Variants in SRSF4 observed in about 807,000 individuals in gnomAD.
The protein encoded by SRSF4 is serine/arginine-rich splicing factor 4.
A neutral mutation model predicts 48.8 loss-of-function variants in SRSF4; 12 were observed. That is an observed-to-expected ratio of 0.25 (90% CI 0.16 to 0.40). SRSF4 has a LOEUF of 0.40. Among genes scored for constraint, SRSF4 ranks in the 10% least tolerant of loss-of-function variants. The probability of loss-of-function intolerance (pLI) is 1.00; values close to 1 mark genes in which losing one functional copy is unlikely to be tolerated. For synonymous variants in SRSF4, 248 were observed against 232.5 expected, an observed-to-expected ratio of 1.07 and a Z score of -0.61; for missense variants, 466 against 667.1, an observed-to-expected ratio of 0.70 and a Z score of 3.32.
At chr1:29,174,827 T>C (rs1160141439) in intron 1 of SRSF4, among the ~76,000 whole-genome samples, 1 of 151,558 alleles carries the variant, frequency 6.6e-6, no homozygotes. Context: ...GCGTGCGCCA[T>C]CATGCCCAGC....
chr1:29,181,831 G>GCGGCGGCGGCGGCAA lies in SRSF4; in HGVS notation c.-94_-80dup, dbSNP rs1487166005. 915 of 1,177,206 alleles carry GCGGCGGCGGCGGCAA rather than the reference G, an allele frequency of 7.8e-4. 2 individuals are homozygous for GCGGCGGCGGCGGCAA. Among genetic ancestry groups the GCGGCGGCGGCGGCAA allele is most frequent in the Middle Eastern group, 1.2e-3 (5 of 4,142 alleles). The allele number at this position is 1,177,206 out of a possible 1,614,324, so 72.9% of individuals were successfully genotyped here. ...CGGGCAAAGCGAGAGCACGGCGGCA[G>GCGGCGGCGGCGGCAA]CGGCGGCGGCGGCAACGGGCGGGCG... On this transcript the variant is annotated 5_prime_UTR_variant, in exon 1 of 6. Transcript: ENST00000373795.
intron 1 of SRSF4, among the ~76,000 whole-genome samples, chr1:29,176,108 C>T (rs1202195373): frequency 2.0e-5 from 3 of 151,928 alleles, no homozygotes; most frequent in East Asian, 3.9e-4. Context: ...AAAAATTAGC[C>T]GGGCGTGGTG....
intron 1 of SRSF4, among the ~76,000 whole-genome samples, chr1:29,178,185 CCACCGTGACCGGTCTAGA>C (rs944989389): frequency 3.9e-5 from 6 of 152,170 alleles, no homozygotes; most frequent in Middle Eastern, 3.4e-3. Context: ...CAGGTGTGAG[CCACCGTGACCGGTCTAGA>C]CAAGCATTTT....
chr1:29,159,441 G>A lies in SRSF4; in HGVS notation c.296C>T (p.Pro99Leu). ...AATAAGTCTGTACTCTGTGCGAGTAGGAGGGCCATATTTATCTCGGCCACT... is the reference window on the plus strand; with the variant it reads ...AATAAGTCTGTACTCTGTGCGAGTAAGAGGGCCATATTTATCTCGGCCACT... ...RRSGRDKYGP[P>L]TRTEYRLIVE... The change falls in exon 3 of 6, where the codon CCT (proline) becomes CTT (leucine). Residue 99 changes from proline (P) to leucine (L), a missense_variant. By Grantham distance (98) the Pro-to-Leu change is moderately conservative. Transcript: ENST00000373795. The A allele has an allele frequency of 6.2e-7, 1 of 1,613,992 alleles. No individual in the cohort carries two copies. Among genetic ancestry groups the A allele is most frequent in the Non-Finnish European group, 8.5e-7 (1 of 1,179,966 alleles).
chr1:29,164,735 T>C (rs1574196764), intron 1 of SRSF4, among the ~76,000 whole-genome samples: 1 of 151,146 alleles, frequency 6.6e-6, no homozygotes, highest in Non-Finnish European at 1.5e-5. Context: ...CAGCAGGGAT[T>C]GACAGAAACA....
chr1:29,171,125 T>A (rs1407557069), intron 1 of SRSF4: 1 of 152,078 alleles, frequency 6.6e-6, no homozygotes, highest in Non-Finnish European at 1.5e-5. Flanking sequence ...TACAAATCCT[T>A]CCTCAGCCAA....
chr1:29,160,569 C>A, intron 1 of SRSF4, 52 bp from the exon 2 acceptor site: 1 of 1,544,206 alleles, frequency 6.5e-7, no homozygotes, highest in Non-Finnish European at 8.7e-7. Flanking sequence ...CATCCAGCTT[C>A]ACTAACATTA....
intron 2 of SRSF4, 95 bp downstream of exon 2, chr1:29,160,280 C>A: frequency 7.5e-7 from 1 of 1,334,436 alleles, no homozygotes; most frequent in Non-Finnish European, 1.0e-6. Context: ...GCTTAAACAT[C>A]AATACGTTTA....
At position 29,149,070 on chromosome 1, in the gene SRSF4, C is replaced by A. The variant is rs182722124; in HGVS notation, c.825G>T (p.Glu275Asp). The A allele has an allele frequency of 1.2e-6, 2 of 1,613,006 alleles. No homozygotes were observed. The highest frequency in any genetic ancestry group is 2.7e-5 in the African/African-American group (2 of 74,622). Reference sequence around the variant, plus strand: ...CGACATTGTCATTGTTTTGGATCTTCTCTTCAGCTTGGTCTTTGCTCTTGC... The same window carrying A: ...CGACATTGTCATTGTTTTGGATCTTATCTTCAGCTTGGTCTTTGCTCTTGC... ...SRSKSKDQAE[E>D]KIQNNDNVGK... The change falls in exon 6 of 6, where the codon GAG (glutamate) becomes GAT (aspartate). Residue 275 changes from glutamate (E) to aspartate (D), a missense_variant. Around this residue, in one of 2 missense-constraint regions of SRSF4, gnomAD observed 402 missense variants for 437.0 expected, o/e 0.92. Coordinates refer to ENST00000373795, the MANE Select transcript of SRSF4 (RefSeq NM_005626.5).
intron 2 of SRSF4, chr1:29,160,074 T>C (rs1415141760): frequency 1.9e-5 from 5 of 258,648 alleles, no homozygotes; most frequent in Non-Finnish European, 3.6e-5. Context: ...AATTAAAACA[T>C]TGAGGTCTTT....
At chr1:29,176,586 A>G (rs1672857300) in intron 1 of SRSF4, among the ~76,000 whole-genome samples, 1 of 152,176 alleles carries the variant, frequency 6.6e-6, no homozygotes, top group Non-Finnish European at 1.5e-5. Context: ...TAATCTGTCA[A>G]GAATTCAGGA....
chr1:29,170,523 A>C (rs1485804203), intron 1 of SRSF4: 1 of 152,162 alleles, frequency 6.6e-6, no homozygotes, highest in East Asian at 1.9e-4. Context: ...TGTCCCTCAT[A>C]ATCGCCCCTG....
intron 1 of SRSF4, among the ~76,000 whole-genome samples, chr1:29,179,145 A>G (rs559351622): frequency 6.6e-6 from 1 of 152,236 alleles, no homozygotes; most frequent in Non-Finnish European, 1.5e-5. Context: ...GAGCCTTTGA[A>G]TTCCTACTCA....
intron 1 of SRSF4, among the ~76,000 whole-genome samples, chr1:29,165,634 G>A (rs1277921651): frequency 6.6e-6 from 1 of 152,178 alleles, no homozygotes; most frequent in Non-Finnish European, 1.5e-5. Flanking sequence ...ACTGAACAGG[G>A]AGACTAAGTC....
At chr1:29,165,046 A>C (rs567376525) in intron 1 of SRSF4, among the ~76,000 whole-genome samples, 17 of 152,268 alleles carry the variant, frequency 1.1e-4, no homozygotes, top group Admixed American at 5.9e-4. Context: ...ATCCCAAAAA[A>C]AACCCTGAAA....
chr1:29,148,161 T>A lies in SRSF4; in HGVS notation c.*249A>T. On this transcript the variant is annotated 3_prime_UTR_variant, in exon 6 of 6. Transcript: ENST00000373795. ...GGCCAGGCCTGAAAGCCAAGGCGTTTTGGATATTCTACTGTGGGCCATGAG... is the reference window on the plus strand; with the variant it reads ...GGCCAGGCCTGAAAGCCAAGGCGTTATGGATATTCTACTGTGGGCCATGAG... The A allele has an allele frequency of 1.6e-6, 1 of 642,242 alleles. No individual in the cohort carries two copies. 39.8% of individuals were successfully genotyped at this position (642,242 alleles called of 1,614,324 possible).
rs571080 is a variant in SRSF4, at chr1:29,181,815, C to G, written c.-63G>C. On this transcript the variant is annotated 5_prime_UTR_variant, in exon 1 of 6. Coordinates refer to ENST00000373795, the MANE Select transcript of SRSF4 (RefSeq NM_005626.5). The stretch of plus-strand genomic sequence containing the variant: ...CCCCCTTAGGCGGCGGCGGGCAAAG[C>G]GAGAGCACGGCGGCAGCGGCGGCGG... 104,390 of 1,402,130 alleles carry G rather than the reference C, an allele frequency of 0.074. 4,613 individuals are homozygous for G. The highest frequency in any genetic ancestry group is 0.2 in the African/African-American group (13,381 of 67,640). 86.9% of individuals were successfully genotyped at this position (1,402,130 alleles called of 1,614,324 possible).
intron 1 of SRSF4, among the ~76,000 whole-genome samples, chr1:29,165,208 A>G (rs1375506543): frequency 6.6e-6 from 1 of 152,226 alleles, no homozygotes; most frequent in East Asian, 1.9e-4. Flanking sequence ...GAGTCTTACC[A>G]AGTATAGACA....
chr1:29,181,421 C>CA (rs1672954395), intron 1 of SRSF4, among the ~76,000 whole-genome samples: 1 of 152,186 alleles, frequency 6.6e-6, no homozygotes, highest in Non-Finnish European at 1.5e-5. Context: ...CCGTCCCACT[C>CA]AGGGCCTCAG....
Sources: allele counts gnomAD v4.1 joint callset (sites outside exome capture counted in the v4.1 genomes callset), GRCh38; gene constraint gnomAD v4.1.1; regional missense constraint gnomAD v4.1.1; transcripts MANE v1.5; gene names NCBI Gene and HGNC (gene_info 2026-07-23, HGNC 2026-07-21).